The following SLC45A4 variants were observed in gnomAD, a reference collection of about 807,000 sequenced individuals.
SLC45A4 encodes solute carrier family 45 member 4.
SLC45A4 carries 32 observed loss-of-function variants against 63.7 expected under a neutral mutation model. The ratio of observed to expected loss-of-function variants is 0.50; its 90% CI spans 0.38 to 0.67. SLC45A4 has a LOEUF of 0.67. Among genes scored for constraint, SLC45A4 ranks in the 30% least tolerant of loss-of-function variants. The pLI is 0.00. For missense variants in SLC45A4, 1,027 were observed against 1,157.7 expected, an observed-to-expected ratio of 0.89 and a Z score of 1.64; for synonymous variants, 535 against 510.0, an observed-to-expected ratio of 1.05 and a Z score of -0.66.
intron 1 of SLC45A4, among the ~76,000 whole-genome samples, chr8:141,300,178 G>A (rs1007565054): frequency 3.3e-5 from 5 of 152,114 alleles, no homozygotes; most frequent in Admixed American, 6.5e-5. Flanking sequence ...AACTTCAGCC[G>A]GACCCACATT....
In SLC45A4 at chr8:141,210,136, C is replaced by T. The variant is rs1024425219; in HGVS notation, c.*1436G>A. The T allele has an allele frequency of 4.6e-5, 7 of 152,396 alleles. No homozygotes were observed. Among genetic ancestry groups the T allele is most frequent in the Admixed American group, 1.3e-4 (2 of 15,308 alleles). The allele number at this position is 152,396 out of a possible 1,614,324, so 9.4% of individuals were successfully genotyped here. ...ACCAGCTAAGACGGGAGCTGCGCCT[C>T]GAGATCCTGACAAGTACAGCCAGGT... On this transcript the variant is annotated 3_prime_UTR_variant, in exon 9 of 9. Transcript: ENST00000517878.
At chr8:141,251,281 G>A (rs747175578) in intron 2 of SLC45A4, among the ~76,000 whole-genome samples, 3 of 152,024 alleles carry the variant, frequency 2.0e-5, no homozygotes, top group Admixed American at 6.5e-5. Context: ...GTCTAGTCGC[G>A]AAAGTGGTTC....
intron 1 of SLC45A4, among the ~76,000 whole-genome samples, chr8:141,287,812 A>T (rs1048299879): frequency 3.6e-4 from 55 of 152,242 alleles, no homozygotes; most frequent in African/African-American, 1.3e-3. Flanking sequence ...GGCGGTGAGG[A>T]GACGGCTCTC....
intron 1 of SLC45A4, among the ~76,000 whole-genome samples, chr8:141,271,996 G>A (rs529192154): frequency 6.6e-6 from 1 of 150,628 alleles, no homozygotes; most frequent in Non-Finnish European, 1.5e-5. Flanking sequence ...ACCCATACAC[G>A]TGTGCATGCA....
In SLC45A4 at chr8:141,228,748, G is replaced by A. The variant is rs182855201; in HGVS notation, c.242-6983C>T. 1.7e-3 allele frequency among the ~76,000 whole-genome samples: 253 copies of A among 152,278 alleles called. 1 individual carries two copies. The highest frequency in any genetic ancestry group is 2.8e-3 in the Non-Finnish European group (188 of 68,012). ...AGGTCAGGCCATGTCCTGCAGCCCT[G>A]GCTAAGCTCAGGGGTCAATCAGTTC... On this transcript the variant is annotated intron_variant, in intron 2 of 8. Transcript: ENST00000517878.
At chr8:141,266,220 C>T (rs906736344) in intron 1 of SLC45A4, among the ~76,000 whole-genome samples, 1 of 152,200 alleles carries the variant, frequency 6.6e-6, no homozygotes, top group African/African-American at 2.4e-5. Context: ...ACGTGTGCTG[C>T]CCCTTTCACA....
rs774454332 is a variant in SLC45A4, at chr8:141,218,564, A to G, written c.1076T>C (p.Leu359Pro). The G allele has an allele frequency of 2.6e-5, 42 of 1,613,418 alleles. No homozygotes were observed. The highest frequency in any genetic ancestry group is 3.4e-5 in the Non-Finnish European group (40 of 1,179,946). ...QELAKTKLPR[L>P]ATFLKEAAKE... The stretch of plus-strand genomic sequence containing the variant: ...GGCGGCTTCCTTGAGGAAGGTGGCC[A>G]GGCGGGGCAGCTTGGTCTTGGCGAG... Residue 359 changes from leucine (L) to proline (P), a missense_variant, in exon 5 of 9, where the codon CTG becomes CCG. Leu to Pro is a moderately conservative substitution (Grantham distance 98). Transcript: ENST00000517878.
At chr8:141,293,654 C>A (rs1046549028) in intron 1 of SLC45A4, among the ~76,000 whole-genome samples, 1 of 152,038 alleles carries the variant, frequency 6.6e-6, no homozygotes, top group Non-Finnish European at 1.5e-5. Context: ...GGAAACAGAC[C>A]GGGAGCAGTG....
At chr8:141,292,805 C>CA (rs1257726533) in intron 1 of SLC45A4, 1 of 152,324 alleles carries the variant, frequency 6.6e-6, no homozygotes, top group African/African-American at 2.4e-5. Context: ...GTGTCAGCGA[C>CA]AAAAACCACA....
intron 1 of SLC45A4, among the ~76,000 whole-genome samples, chr8:141,306,744 G>A (rs184262355): frequency 1.2e-4 from 18 of 152,198 alleles, no homozygotes; most frequent in Admixed American, 1.1e-3. Flanking sequence ...AGACCGTCTG[G>A]GGAATGGAAG....
intron 1 of SLC45A4, among the ~76,000 whole-genome samples, chr8:141,274,317 C>T (rs1405982294): frequency 1.3e-5 from 2 of 151,746 alleles, no homozygotes; most frequent in Non-Finnish European, 2.9e-5. Context: ...GTGGATCACC[C>T]GAGGTCAGGA....
chr8:141,302,083 G>C (rs1401109110), intron 1 of SLC45A4, among the ~76,000 whole-genome samples: 1 of 152,078 alleles, frequency 6.6e-6, no homozygotes, highest in Non-Finnish European at 1.5e-5. Context: ...TTTTAAAAGG[G>C]TGACTGATGG....
chr8:141,288,985 TG>T (rs1235527609), intron 1 of SLC45A4, among the ~76,000 whole-genome samples: 1 of 143,416 alleles, frequency 7.0e-6, no homozygotes, highest in Non-Finnish European at 1.6e-5. Flanking sequence ...TCGGCGTGGG[TG>T]GGAAAAGAGG....
At chr8:141,269,547 G>A (rs1247780645) in intron 1 of SLC45A4, among the ~76,000 whole-genome samples, 1 of 150,494 alleles carries the variant, frequency 6.6e-6, no homozygotes, top group Non-Finnish European at 1.5e-5. Flanking sequence ...TGTGTGTGTG[G>A]GTGTGTCTGT....
At position 141,227,497 on chromosome 8, in the gene SLC45A4, C is replaced by T. The variant is rs570796641; in HGVS notation, c.242-5732G>A. 1.6e-4 allele frequency among the ~76,000 whole-genome samples: 25 copies of T among 152,322 alleles called. No homozygotes were observed. The South Asian group carries it at 2.1e-3, about 13-fold the overall frequency. ...GCGAAACTCGTGAGCACAAGTCCTG[C>T]GTGGGAAAGGCTTAGCATCCTTGAG... On this transcript the variant is annotated intron_variant, in intron 2 of 8. Transcript: ENST00000517878. This position sits in a 1 kb window ranked among gnomAD's most constrained non-coding sequence, Gnocchi z 4.4.
intron 2 of SLC45A4, among the ~76,000 whole-genome samples, chr8:141,242,419 C>G (rs1589803261): frequency 6.6e-6 from 1 of 152,294 alleles, no homozygotes; most frequent in South Asian, 2.1e-4. Context: ...TGTGACAATT[C>G]TACATTGTTT....
At chr8:141,217,024 C>A in intron 6 of SLC45A4, 66 bp downstream of exon 6, 2 of 1,514,714 alleles carry the variant, frequency 1.3e-6, no homozygotes, top group South Asian at 1.1e-5. Flanking sequence ...AGGATTCTCT[C>A]GTCTGCATTT....
intron 1 of SLC45A4, among the ~76,000 whole-genome samples, chr8:141,298,052 G>A (rs1183563924): frequency 1.3e-5 from 2 of 152,112 alleles, no homozygotes; most frequent in African/African-American, 2.4e-5. Context: ...ACAGCCCTGC[G>A]GCAAGCCCGA....
chr8:141,270,052 C>T (rs1829453265), intron 1 of SLC45A4, among the ~76,000 whole-genome samples: 3 of 152,174 alleles, frequency 2.0e-5, no homozygotes, highest in Admixed American at 1.3e-4. Flanking sequence ...GACCCTTGCC[C>T]TGCCCTTCTC....
Sources: gnomAD v4.1 joint callset for allele counts (sites outside exome capture counted in the v4.1 genomes callset) on GRCh38, gnomAD v4.1.1 for gene constraint, Gnocchi (gnomAD v3.1) non-coding constraint, MANE v1.5 for transcripts, NCBI Gene and HGNC (gene_info 2026-07-23, HGNC 2026-07-21) for gene names.